The following DLGAP3 variants were observed in gnomAD, a reference collection of about 807,000 sequenced individuals.
DLGAP3 encodes the protein disks large-associated protein 3.
DLGAP3 carries 17 observed loss-of-function variants against 81.2 expected under a neutral mutation model. The ratio of observed to expected loss-of-function variants is 0.21; its 90% CI spans 0.14 to 0.31. The LOEUF is 0.31. Ranked by LOEUF, DLGAP3 falls within the 10% of genes least tolerant of loss-of-function variation. The probability of loss-of-function intolerance (pLI) is 1.00; values close to 1 mark genes in which losing one functional copy is unlikely to be tolerated. For missense variants in DLGAP3, 1,124 were observed against 1,388.0 expected (o/e 0.81, Z 3.02); for synonymous variants, 577 against 587.4 (o/e 0.98, Z 0.26).
intron 8 of DLGAP3, among the ~76,000 whole-genome samples, chr1:34,875,334 A>G (rs140652124): frequency 1.5e-3 from 228 of 152,310 alleles, no homozygotes; most frequent in African/African-American, 5.1e-3. Context: ...GGGTTGTCAG[A>G]TAAAATATAG....
intron 1 of DLGAP3, among the ~76,000 whole-genome samples, chr1:34,923,455 C>T (rs1639824786): frequency 6.6e-6 from 1 of 152,026 alleles, no homozygotes; most frequent in Admixed American, 6.5e-5. Flanking sequence ...AGCAGGGAGG[C>T]AAGCTGCAGA....
At position 34,868,220 on chromosome 1, in the gene DLGAP3, G is replaced by T. The variant is rs898771987; in HGVS notation, c.2485+385C>A. Among the ~76,000 whole-genome samples, 1 of 152,086 alleles carries T rather than the reference G, an allele frequency of 6.6e-6. No individual in the cohort carries two copies. Among genetic ancestry groups the T allele is most frequent in the African/African-American group, 2.4e-5 (1 of 41,378 alleles). Reference sequence around the variant, plus strand: ...TGCCTCAGACAGGATCTGACATTGTGAACTGCCTCCCTCTCTGTAATCTTG... The same window carrying T: ...TGCCTCAGACAGGATCTGACATTGTTAACTGCCTCCCTCTCTGTAATCTTG... On this transcript the variant is annotated intron_variant, in intron 9 of 11. Coordinates refer to ENST00000373347, the MANE Select transcript of DLGAP3 (RefSeq NM_001080418.3). The surrounding 1 kb of genome is among the most constrained non-coding windows in gnomAD (Gnocchi z 7.5).
intron 5 of DLGAP3, among the ~76,000 whole-genome samples, chr1:34,892,664 CCCACTA>C (rs61280922): frequency 0.25 from 38,400 of 151,948 alleles, 6,874 homozygotes; most frequent in East Asian, 0.93. Flanking sequence ...GCTACAGGTG[CCCACTA>C]CTGTGCCTAC....
At chr1:34,899,976 C>A in intron 4 of DLGAP3, 92 bp downstream of exon 4, 1 of 1,170,878 alleles carries the variant, frequency 8.5e-7, no homozygotes. Context: ...CTAAGCAGGA[C>A]TACCTGACTG....
At chr1:34,886,899 G>A (rs1303773723) in intron 5 of DLGAP3, among the ~76,000 whole-genome samples, 1 of 145,870 alleles carries the variant, frequency 6.9e-6, no homozygotes, top group Non-Finnish European at 1.5e-5. Flanking sequence ...AAGTGATGGA[G>A]CAAAGTTATT....
intron 11 of DLGAP3, 146 bp downstream of exon 11, chr1:34,866,902 G>A: frequency 2.2e-6 from 2 of 927,548 alleles, no homozygotes; most frequent in South Asian, 2.7e-5. Flanking sequence ...CTCTGGAAGG[G>A]GATGGTCACC....
chr1:34,872,574 C>T (rs961602887), intron 8 of DLGAP3, among the ~76,000 whole-genome samples: 8 of 152,064 alleles, frequency 5.3e-5, no homozygotes, highest in African/African-American at 1.4e-4. Flanking sequence ...TTACCTTCCA[C>T]GGCAAAAAGG....
chr1:34,882,215 G>A (rs185876208), intron 8 of DLGAP3, among the ~76,000 whole-genome samples: 2 of 152,292 alleles, frequency 1.3e-5, no homozygotes, highest in African/African-American at 4.8e-5. Flanking sequence ...GGTAGCTCAC[G>A]CCTGTAATCC....
chr1:34,868,862 T>G lies in DLGAP3; in HGVS notation c.2228A>C (p.Tyr743Ser). 1.3e-6 allele frequency: 2 copies of G among 1,590,554 alleles called. No individual in the cohort carries two copies. Among genetic ancestry groups the G allele is most frequent in the Non-Finnish European group, 1.7e-6 (2 of 1,172,954 alleles). The change falls in exon 9 of 12, where the codon TAC becomes TCC. Residue 743 changes from tyrosine to serine, a missense_variant. Tyr to Ser is a moderately radical substitution (Grantham distance 144, BLOSUM62 -2). Transcript: ENST00000373347. The surrounding 1 kb of genome is among the most constrained non-coding windows in gnomAD (Gnocchi z 7.5). ...TQGQWAYREG[Y>S]PLPYEPPATD... ...GGCCGGCGGCTCGTACGGCAGTGGGTAGCCCTCGCGGTAGGCCCACTGGCC... is the reference window on the plus strand; with the variant it reads ...GGCCGGCGGCTCGTACGGCAGTGGGGAGCCCTCGCGGTAGGCCCACTGGCC...
chr1:34,920,770 CTCTTCTGGACACTGT>C (rs1179816289), intron 1 of DLGAP3, among the ~76,000 whole-genome samples: 1 of 152,218 alleles, frequency 6.6e-6, no homozygotes, highest in Non-Finnish European at 1.5e-5. Flanking sequence ...AAGCTGAATA[CTCTTCTGGACACTGT>C]AGATACAGCA....
intron 1 of DLGAP3, among the ~76,000 whole-genome samples, chr1:34,928,521 A>T (rs1453690731): frequency 6.6e-6 from 1 of 152,096 alleles, no homozygotes; most frequent in African/African-American, 2.4e-5. Flanking sequence ...CAAGCTGGGG[A>T]GTGCCACAAA....
intron 1 of DLGAP3, among the ~76,000 whole-genome samples, chr1:34,908,888 C>T (rs1196435137): frequency 6.6e-6 from 1 of 152,238 alleles, no homozygotes; most frequent in East Asian, 1.9e-4. Flanking sequence ...CATTGCCCTT[C>T]TTTGGGGAAA....
chr1:34,869,576 G>A (rs1293041417), intron 8 of DLGAP3, among the ~76,000 whole-genome samples: 2 of 136,338 alleles, frequency 1.5e-5, no homozygotes, highest in African/African-American at 5.5e-5. Flanking sequence ...CGCAACCTCC[G>A]CCTCCCGGGT....
At chr1:34,908,862 G>T (rs1639598087) in intron 1 of DLGAP3, among the ~76,000 whole-genome samples, 1 of 152,218 alleles carries the variant, frequency 6.6e-6, no homozygotes, top group African/African-American at 2.4e-5. Flanking sequence ...CCTGGCTCTA[G>T]ATGACAATTA....
intron 1 of DLGAP3, among the ~76,000 whole-genome samples, chr1:34,918,662 C>T (rs1238875891): frequency 1.3e-5 from 2 of 152,208 alleles, no homozygotes; most frequent in Admixed American, 6.5e-5. Flanking sequence ...AGGTCGGGCT[C>T]TTATCCCCTC....
Position 34,900,477 on chromosome 1 carries a change from G to T in DLGAP3, c.1108-204C>A, listed in dbSNP as rs1639441442. ...CCTCGTCATCCTCCACAGACCTTCT[G>T]CACTTAATTAAGGGCCACCTAGAGA... On this transcript the variant is annotated intron_variant, in intron 3 of 11. Coordinates refer to ENST00000373347, the MANE Select transcript of DLGAP3 (RefSeq NM_001080418.3). This position sits in a 1 kb window ranked among gnomAD's most constrained non-coding sequence, Gnocchi z 5.6. 6.6e-6 allele frequency among the ~76,000 whole-genome samples: 1 copy of T among 152,222 alleles called. No individual in the cohort carries two copies. Among genetic ancestry groups the T allele is most frequent in the South Asian group, 2.1e-4 (1 of 4,836 alleles).
At chr1:34,907,995 A>G (rs1486292499) in intron 1 of DLGAP3, among the ~76,000 whole-genome samples, 2 of 152,152 alleles carry the variant, frequency 1.3e-5, no homozygotes, top group Non-Finnish European at 2.9e-5. Flanking sequence ...TCCCTTAAAG[A>G]CTTTCTGTGC....
At position 34,895,033 on chromosome 1, in the gene DLGAP3, A is replaced by T. The variant is rs1639362636; in HGVS notation, c.1386+4636T>A. Among the ~76,000 whole-genome samples, 1 of 152,200 alleles carries T rather than the reference A, an allele frequency of 6.6e-6. No homozygotes were observed. Among genetic ancestry groups the T allele is most frequent in the Non-Finnish European group, 1.5e-5 (1 of 68,042 alleles). On this transcript the variant is annotated intron_variant, in intron 5 of 11. Coordinates refer to ENST00000373347, the MANE Select transcript of DLGAP3 (RefSeq NM_001080418.3). This position sits in a 1 kb window ranked among gnomAD's most constrained non-coding sequence, Gnocchi z 4.5. ...GTCATAACATTACTTTATACCCCAT[A>T]AATATATACACCCACAATTTGTCAA...
chr1:34,921,010 G>A (rs1639787766), intron 1 of DLGAP3, among the ~76,000 whole-genome samples: 1 of 152,180 alleles, frequency 6.6e-6, no homozygotes, highest in South Asian at 2.1e-4. Flanking sequence ...GCAAAGACTC[G>A]GATACAGTGA....
Sources: allele counts gnomAD v4.1 joint callset (sites outside exome capture counted in the v4.1 genomes callset), GRCh38; gene constraint gnomAD v4.1.1; non-coding constraint Gnocchi (gnomAD v3.1); transcripts MANE v1.5; gene names NCBI Gene and HGNC (gene_info 2026-07-23, HGNC 2026-07-21).